The following MAML2 variants were observed in gnomAD, a reference collection of about 807,000 sequenced individuals.
The protein encoded by MAML2 is mastermind like transcriptional coactivator 2, also known as mastermind-like protein 2.
MAML2 carries 22 observed loss-of-function variants against 96.1 expected under a neutral mutation model. That is an observed-to-expected ratio of 0.23 (90% CI 0.16 to 0.33). MAML2 has a LOEUF of 0.33. MAML2 is among the 10% of genes least tolerant of loss of function. The pLI is 1.00. For synonymous variants in MAML2, 561 were observed against 521.3 expected, an observed-to-expected ratio of 1.08 and a Z score of -1.04; for missense variants, 1,367 against 1,392.4, an observed-to-expected ratio of 0.98 and a Z score of 0.29.
chr11:96,250,136 C>A (rs1862563142), intron 1 of MAML2, among the ~76,000 whole-genome samples: 1 of 152,166 alleles, frequency 6.6e-6, no homozygotes, highest in Non-Finnish European at 1.5e-5. Context: ...CTCCATGGCA[C>A]TTATCACCCT....
chr11:96,149,588 C>T (rs922382434), intron 1 of MAML2, among the ~76,000 whole-genome samples: 2 of 151,316 alleles, frequency 1.3e-5, no homozygotes, highest in Non-Finnish European at 1.5e-5. Context: ...AAGAATTAGC[C>T]GGGCATGGTG....
intron 1 of MAML2, among the ~76,000 whole-genome samples, chr11:96,124,069 C>A (rs965671163): frequency 3.6e-5 from 4 of 111,654 alleles, no homozygotes; most frequent in Non-Finnish European, 5.0e-5. Context: ...GAGCAACCAG[C>A]AACGAGCAAC....
chr11:96,233,118 A>AAAG (rs35560126), intron 1 of MAML2, among the ~76,000 whole-genome samples: 69,094 of 116,248 alleles, frequency 0.59, 16,507 homozygotes, highest in African/African-American at 0.7. Context: ...TAAAGCAAAC[A>AAAG]AAGAAAAAAC....
chr11:96,022,752 G>A (rs1037320704), intron 2 of MAML2, among the ~76,000 whole-genome samples: 1 of 152,198 alleles, frequency 6.6e-6, no homozygotes, highest in Non-Finnish European at 1.5e-5. Flanking sequence ...GGCCCATAAT[G>A]AGGCTGACTG....
intron 1 of MAML2, among the ~76,000 whole-genome samples, chr11:96,143,372 A>C (rs1326219923): frequency 1.3e-5 from 2 of 152,234 alleles, no homozygotes; most frequent in Non-Finnish European, 2.9e-5. Context: ...AAATATTAAT[A>C]GGAAACAGGA....
intron 1 of MAML2, among the ~76,000 whole-genome samples, chr11:96,134,136 A>G (rs1173015142): frequency 1.3e-5 from 2 of 152,224 alleles, no homozygotes; most frequent in African/African-American, 2.4e-5. Context: ...ACTTCTTTAC[A>G]TTCTATTAGT....
At chr11:96,322,193 T>G (rs1274900847) in intron 1 of MAML2, among the ~76,000 whole-genome samples, 1 of 152,104 alleles carries the variant, frequency 6.6e-6, no homozygotes, top group Non-Finnish European at 1.5e-5. Context: ...GAGCTCCAAC[T>G]TAGCTTTAAC....
intron 2 of MAML2, among the ~76,000 whole-genome samples, chr11:96,045,098 G>A (rs1858875474): frequency 6.6e-6 from 1 of 152,014 alleles, no homozygotes; most frequent in Non-Finnish European, 1.5e-5. Context: ...GTGGAGATGG[G>A]GGTGGTGGTG....
intron 2 of MAML2, among the ~76,000 whole-genome samples, chr11:96,007,002 CTT>C (rs542623757): frequency 6.7e-6 from 1 of 149,208 alleles, no homozygotes; most frequent in Non-Finnish European, 1.5e-5. Context: ...AGATATCAAT[CTT>C]TTTTTTTATT....
At chr11:96,185,771 A>G (rs1861565692) in intron 1 of MAML2, among the ~76,000 whole-genome samples, 1 of 152,202 alleles carries the variant, frequency 6.6e-6, no homozygotes. Flanking sequence ...AACCTTGTGT[A>G]TGCATCACCT....
chr11:96,250,010 A>G (rs1332429244), intron 1 of MAML2, among the ~76,000 whole-genome samples: 1 of 152,158 alleles, frequency 6.6e-6, no homozygotes, highest in African/African-American at 2.4e-5. Flanking sequence ...GCCTCCCTGC[A>G]ATTCGCTCAG....
intron 2 of MAML2, among the ~76,000 whole-genome samples, chr11:96,004,150 T>G (rs576369284): frequency 6.6e-6 from 1 of 152,348 alleles, no homozygotes; most frequent in African/African-American, 2.4e-5. Context: ...TTTTATACCA[T>G]GAATTTTCCA....
At chr11:96,069,366 AT>A (rs879292889) in intron 2 of MAML2, among the ~76,000 whole-genome samples, 187 of 148,384 alleles carry the variant, frequency 1.3e-3, no homozygotes, top group Non-Finnish European at 1.9e-3. Flanking sequence ...AAGCATTTCT[AT>A]TTTTTAATTA....
At chr11:96,174,996 CAT>C (rs1451721658) in intron 1 of MAML2, among the ~76,000 whole-genome samples, 1 of 152,200 alleles carries the variant, frequency 6.6e-6, no homozygotes, top group Admixed American at 6.5e-5. Flanking sequence ...CTTTGGAAAA[CAT>C]GGTGCGAAGC....
intron 1 of MAML2, among the ~76,000 whole-genome samples, chr11:96,177,320 G>A (rs1861402405): frequency 6.6e-6 from 1 of 152,078 alleles, no homozygotes; most frequent in Non-Finnish European, 1.5e-5. Context: ...AATTTTCAGG[G>A]GCATTACAGT....
At chr11:96,209,479 G>A (rs558458050) in intron 1 of MAML2, among the ~76,000 whole-genome samples, 8 of 152,110 alleles carry the variant, frequency 5.3e-5, no homozygotes, top group Admixed American at 1.3e-4. Flanking sequence ...CTCTACTGAG[G>A]CAGAAGAATC....
At chr11:96,128,331 T>G (rs1450773644) in intron 1 of MAML2, among the ~76,000 whole-genome samples, 1 of 151,822 alleles carries the variant, frequency 6.6e-6, no homozygotes, top group Admixed American at 6.6e-5. Flanking sequence ...AAGGCGGAGG[T>G]TGCAGTGAGC....
chr11:96,123,804 T>TACA (rs1860390915), intron 1 of MAML2, among the ~76,000 whole-genome samples: 1 of 152,112 alleles, frequency 6.6e-6, no homozygotes, highest in Non-Finnish European at 1.5e-5. Context: ...GCCGGCATGG[T>TACA]GGCTCACGCC....
intron 1 of MAML2, among the ~76,000 whole-genome samples, chr11:96,209,577 A>AAAC (rs1861939413): frequency 1.6e-5 from 1 of 63,892 alleles, no homozygotes; most frequent in Non-Finnish European, 3.0e-5. Flanking sequence ...TTCCATCTCT[A>AAAC]AAACAAACAA....
Sources: gnomAD v4.1 joint callset for allele counts (sites outside exome capture counted in the v4.1 genomes callset) on GRCh38, gnomAD v4.1.1 for gene constraint, MANE v1.5 for transcripts, NCBI Gene and HGNC (gene_info 2026-07-23, HGNC 2026-07-21) for gene names.